SLC4A10: variants seen among roughly 807,000 people sequenced by gnomAD.
SLC4A10 encodes the protein sodium-driven chloride bicarbonate exchanger.
SLC4A10 carries 42 observed loss-of-function variants against 137.7 expected under a neutral mutation model. The ratio of observed to expected loss-of-function variants is 0.30; its 90% CI spans 0.24 to 0.39. The LOEUF is 0.39. Ranked by LOEUF, SLC4A10 falls within the 10% of genes least tolerant of loss-of-function variation. The probability of loss-of-function intolerance (pLI) is 1.00; values close to 1 mark genes in which losing one functional copy is unlikely to be tolerated. For missense variants in SLC4A10, 925 were observed against 1,355.0 expected, an observed-to-expected ratio of 0.68 and a Z score of 4.98; for synonymous variants, 474 against 464.1, an observed-to-expected ratio of 1.02 and a Z score of -0.27.
Position 161,775,379 on chromosome 2 carries a change from A to T in SLC4A10, c.130+4325A>T, listed in dbSNP as rs114009808. On this transcript the variant is annotated intron_variant, in intron 2 of 26. Transcript: ENST00000446997. ...GGGAAGTACAACAGTACATATTTAT[A>T]GTCTTGCTCCAGGGCTATGTTAACT... 5.4e-3 allele frequency among the ~76,000 whole-genome samples: 828 copies of T among 152,052 alleles called. 7 individuals carry two copies. The highest frequency in any genetic ancestry group is 0.017 in the Middle Eastern group (5 of 294).
intron 1 of SLC4A10, among the ~76,000 whole-genome samples, chr2:161,659,486 A>G (rs1031705060): frequency 2.6e-5 from 4 of 152,096 alleles, no homozygotes; most frequent in Admixed American, 6.5e-5. Flanking sequence ...ATGCAATGAA[A>G]GTAGGTAGGA....
chr2:161,962,709 G>A (rs1696928076), intron 21 of SLC4A10, among the ~76,000 whole-genome samples: 1 of 152,032 alleles, frequency 6.6e-6, no homozygotes, highest in Non-Finnish European at 1.5e-5. Context: ...ATATATGTAT[G>A]ATTCTTATTT....
At chr2:161,922,625 A>G (rs2105515583) in intron 15 of SLC4A10, among the ~76,000 whole-genome samples, 1 of 152,302 alleles carries the variant, frequency 6.6e-6, no homozygotes, top group South Asian at 2.1e-4. Flanking sequence ...AAACATGTTG[A>G]AAATATACAT....
intron 1 of SLC4A10, among the ~76,000 whole-genome samples, chr2:161,760,943 C>A (rs891015374): frequency 1.3e-5 from 2 of 151,982 alleles, no homozygotes; most frequent in South Asian, 2.1e-4. Context: ...ACACCACATG[C>A]ACACACGCAG....
chr2:161,950,349 T>A (rs189830654), intron 18 of SLC4A10, among the ~76,000 whole-genome samples: 1 of 152,198 alleles, frequency 6.6e-6, no homozygotes, highest in Non-Finnish European at 1.5e-5. Context: ...CAGGTATTGA[T>A]TAATAACACA....
chr2:161,852,790 C>T (rs2125846190), intron 4 of SLC4A10, among the ~76,000 whole-genome samples: 1 of 152,208 alleles, frequency 6.6e-6, no homozygotes, highest in South Asian at 2.1e-4. Flanking sequence ...AGAGTTGGAT[C>T]CTGGCTTGAC....
chr2:161,702,595 CA>C (rs2043239299), intron 1 of SLC4A10, among the ~76,000 whole-genome samples: 1 of 151,734 alleles, frequency 6.6e-6, no homozygotes, highest in South Asian at 2.1e-4. Context: ...CCTAAGGCTA[CA>C]AAAATCTGTC....
intron 19 of SLC4A10, among the ~76,000 whole-genome samples, chr2:161,956,182 T>G (rs1457838721): frequency 1.3e-5 from 2 of 152,172 alleles, no homozygotes; most frequent in Admixed American, 1.3e-4. Context: ...TTCCAAATGA[T>G]TTACAACATC....
At chr2:161,692,657 G>A (rs1476525302) in intron 1 of SLC4A10, among the ~76,000 whole-genome samples, 1 of 152,056 alleles carries the variant, frequency 6.6e-6, no homozygotes, top group East Asian at 1.9e-4. Flanking sequence ...ATGGATAAAG[G>A]CAGGTCACAG....
chr2:161,818,948 T>C (rs1159763774), intron 3 of SLC4A10, among the ~76,000 whole-genome samples: 2 of 152,196 alleles, frequency 1.3e-5, no homozygotes, highest in African/African-American at 4.8e-5. Flanking sequence ...CTTTTTTTGT[T>C]GTGTCTCTGC....
intron 3 of SLC4A10, among the ~76,000 whole-genome samples, chr2:161,812,089 G>A (rs1393029085): frequency 2.6e-5 from 4 of 152,012 alleles, no homozygotes; most frequent in African/African-American, 9.7e-5. Context: ...TTGCAGATAA[G>A]TCTATAGTCT....
chr2:161,900,098 T>C (rs1341668808), intron 11 of SLC4A10, among the ~76,000 whole-genome samples: 1 of 152,112 alleles, frequency 6.6e-6, no homozygotes, highest in African/African-American at 2.4e-5. Flanking sequence ...GAAGTGCTTT[T>C]GAACACATTG....
At chr2:161,819,508 T>G (rs2057428054) in intron 3 of SLC4A10, among the ~76,000 whole-genome samples, 1 of 152,156 alleles carries the variant, frequency 6.6e-6, no homozygotes, top group African/African-American at 2.4e-5. Flanking sequence ...TCACTTTTTT[T>G]TTTTGAGACA....
intron 2 of SLC4A10, among the ~76,000 whole-genome samples, chr2:161,786,794 A>G (rs886447493): frequency 1.3e-5 from 2 of 151,044 alleles, no homozygotes; most frequent in Admixed American, 6.6e-5. Context: ...TTCTTTTATG[A>G]CATAAAAGAG....
chr2:161,684,847 A>T (rs192866785), intron 1 of SLC4A10, among the ~76,000 whole-genome samples: 28 of 152,358 alleles, frequency 1.8e-4, no homozygotes, highest in African/African-American at 5.5e-4. Flanking sequence ...AACACAGGTT[A>T]TGTCTTACTC....
At chr2:161,974,478 G>T (rs192587084) in intron 24 of SLC4A10, among the ~76,000 whole-genome samples, 162 bp downstream of exon 24, 1 of 152,184 alleles carries the variant, frequency 6.6e-6, no homozygotes, top group Admixed American at 6.5e-5. Flanking sequence ...GCTAAGTTTT[G>T]CCAATAATAG....
intron 1 of SLC4A10, among the ~76,000 whole-genome samples, chr2:161,648,750 CT>C (rs1016164972): frequency 2.6e-5 from 4 of 152,028 alleles, no homozygotes; most frequent in African/African-American, 9.7e-5. Context: ...TTATAAATTG[CT>C]TTTTTATTTA....
At chr2:161,752,354 G>C (rs1009125232) in intron 1 of SLC4A10, among the ~76,000 whole-genome samples, 1 of 151,840 alleles carries the variant, frequency 6.6e-6, no homozygotes, top group Non-Finnish European at 1.5e-5. Flanking sequence ...CCCATGAAGA[G>C]CTCAAATTTA....
At chr2:161,817,878 T>C (rs2057241192) in intron 3 of SLC4A10, among the ~76,000 whole-genome samples, 1 of 151,912 alleles carries the variant, frequency 6.6e-6, no homozygotes, top group Non-Finnish European at 1.5e-5. Context: ...TTTTGGTTAC[T>C]GTAGCCTTGT....
Sources: allele counts gnomAD v4.1 joint callset (sites outside exome capture counted in the v4.1 genomes callset), GRCh38; gene constraint gnomAD v4.1.1; transcripts MANE v1.5; gene names NCBI Gene and HGNC (gene_info 2026-07-23, HGNC 2026-07-21).